The following CEP128 variants were observed in gnomAD, a reference collection of about 807,000 sequenced individuals.
CEP128 encodes centrosomal protein 128.
Under a neutral mutation model 156.7 loss-of-function variants are expected in CEP128, and 132 were observed. The observed-to-expected ratio is 0.84, with a 90% CI of 0.73 to 0.97. CEP128 has a LOEUF of 0.97. CEP128 is among the 50% of genes least tolerant of loss of function. The probability of loss-of-function intolerance (pLI) is 0.00; values close to 1 mark genes in which losing one functional copy is unlikely to be tolerated. For missense variants in CEP128, 1,252 were observed against 1,281.9 expected (o/e 0.98, Z 0.36); for synonymous variants, 469 against 448.9 (o/e 1.04, Z -0.57).
At chr14:80,925,834 C>T (rs1425297375) in intron 2 of CEP128, among the ~76,000 whole-genome samples, 5 of 152,114 alleles carry the variant, frequency 3.3e-5, no homozygotes, top group Non-Finnish European at 1.5e-5. Flanking sequence ...GGAGGAGAGA[C>T]TGCCTCCATG....
intron 19 of CEP128, among the ~76,000 whole-genome samples, chr14:80,637,877 G>A (rs922783685): frequency 1.3e-5 from 2 of 152,158 alleles, no homozygotes; most frequent in African/African-American, 2.4e-5. Flanking sequence ...GTATGTAGAC[G>A]TGGCCACAAG....
chr14:80,843,030 T>G (rs1886418473), intron 9 of CEP128, among the ~76,000 whole-genome samples: 1 of 150,462 alleles, frequency 6.6e-6, no homozygotes, highest in African/African-American at 2.4e-5. Context: ...TAAACTCTCA[T>G]AGTTATATAT....
intron 21 of CEP128, among the ~76,000 whole-genome samples, chr14:80,535,564 C>T (rs1035785390): frequency 7.9e-5 from 12 of 152,172 alleles, no homozygotes; most frequent in Non-Finnish European, 4.4e-5. Context: ...CTCAGGACCA[C>T]GTGTCTAAAC....
chr14:80,937,116 G>A (rs537455480), intron 2 of CEP128, among the ~76,000 whole-genome samples: 2 of 152,248 alleles, frequency 1.3e-5, no homozygotes, highest in East Asian at 1.9e-4. Context: ...CCAAGCGTTC[G>A]AGATGAGCCT....
chr14:80,951,671 A>T (rs1273179130), intron 2 of CEP128, among the ~76,000 whole-genome samples: 1 of 152,150 alleles, frequency 6.6e-6, no homozygotes, highest in Non-Finnish European at 1.5e-5. Flanking sequence ...GTGAATAATG[A>T]CATTAAATGT....
chr14:80,619,233 T>C (rs1258050071), intron 19 of CEP128, among the ~76,000 whole-genome samples: 2 of 152,000 alleles, frequency 1.3e-5, no homozygotes, highest in South Asian at 2.1e-4. Context: ...AAACCAATAA[T>C]TAAAAAACAC....
At chr14:80,517,283 T>A (rs1888532923) in intron 23 of CEP128, among the ~76,000 whole-genome samples, 1 of 152,158 alleles carries the variant, frequency 6.6e-6, no homozygotes, top group Non-Finnish European at 1.5e-5. Flanking sequence ...AATTTGCTCT[T>A]GGTCTTCTAG....
intron 2 of CEP128, among the ~76,000 whole-genome samples, chr14:80,918,634 G>A (rs185604491): frequency 6.6e-6 from 1 of 152,254 alleles, no homozygotes; most frequent in East Asian, 1.9e-4. Context: ...GTGTTCTGCT[G>A]TCCGATTATC....
chr14:80,533,380 G>T (rs1356475817), intron 21 of CEP128, among the ~76,000 whole-genome samples: 2 of 152,004 alleles, frequency 1.3e-5, no homozygotes, highest in African/African-American at 2.4e-5. Context: ...TCTGAACCAA[G>T]GTTAAGTAAG....
chr14:80,867,026 T>C (rs1566680874), intron 8 of CEP128, among the ~76,000 whole-genome samples: 1 of 152,220 alleles, frequency 6.6e-6, no homozygotes, highest in Non-Finnish European at 1.5e-5. Flanking sequence ...TCTCAGTATA[T>C]ATTTTTTTTC....
intron 19 of CEP128, among the ~76,000 whole-genome samples, chr14:80,672,847 A>G (rs954744784): frequency 3.9e-5 from 6 of 152,190 alleles, no homozygotes; most frequent in Non-Finnish European, 8.8e-5. Context: ...AAGTCAAAAG[A>G]TAATAGTTTT....
chr14:80,737,956 T>C (rs915415808), intron 19 of CEP128, among the ~76,000 whole-genome samples: 2 of 152,132 alleles, frequency 1.3e-5, no homozygotes, highest in Admixed American at 6.6e-5. Flanking sequence ...ATAAATGATA[T>C]TACATTTAGA....
In CEP128 at chr14:80,743,220, T is replaced by G. The variant is rs764427872; in HGVS notation, c.2661A>C (p.Arg887Ser). 10 of 1,613,540 alleles carry G rather than the reference T, an allele frequency of 6.2e-6. No individual in the cohort carries two copies. Reference protein sequence around the residue: ...LCEELKERENREKNLRHQLML... With the variant: ...LCEELKERENSEKNLRHQLML... ...TCAGCTGGTGTCGCAGATTTTTCTC[T>G]CTGTTTTCTCTCTCTTTCAGTTCCT... The change falls in exon 19 of 25, where the codon AGA becomes AGC. Residue 887 changes from arginine (R) to serine (S), a missense_variant. Transcript: ENST00000555265.
intron 9 of CEP128, among the ~76,000 whole-genome samples, chr14:80,848,784 T>C (rs1325093432): frequency 6.6e-6 from 1 of 151,654 alleles, no homozygotes; most frequent in African/African-American, 2.4e-5. Flanking sequence ...TAGCCAGACA[T>C]GGTGGGACAT....
At chr14:80,619,885 G>T (rs894270079) in intron 19 of CEP128, among the ~76,000 whole-genome samples, 2 of 152,078 alleles carry the variant, frequency 1.3e-5, no homozygotes, top group African/African-American at 4.8e-5. Flanking sequence ...AGCACTTTGG[G>T]AGGTCGAGGC....
chr14:80,858,643 C>G (rs1435768198), intron 9 of CEP128, among the ~76,000 whole-genome samples: 65 of 148,596 alleles, frequency 4.4e-4, no homozygotes, highest in Non-Finnish European at 6.9e-4. Context: ...TCGCAACCTA[C>G]TCATCTGACA....
At chr14:80,867,307 G>C (rs1376963680) in intron 8 of CEP128, among the ~76,000 whole-genome samples, 1 of 152,168 alleles carries the variant, frequency 6.6e-6, no homozygotes, top group African/African-American at 2.4e-5. Context: ...GGGATGAAGT[G>C]AGACTACTGA....
chr14:80,713,970 G>A (rs1339568781), intron 19 of CEP128, among the ~76,000 whole-genome samples: 1 of 152,098 alleles, frequency 6.6e-6, no homozygotes, highest in East Asian at 1.9e-4. Context: ...TCAGTATCTA[G>A]TGTTTCTCTC....
At chr14:80,953,471 G>A (rs1385008573) in intron 2 of CEP128, among the ~76,000 whole-genome samples, 1 of 152,206 alleles carries the variant, frequency 6.6e-6, no homozygotes, top group Non-Finnish European at 1.5e-5. Flanking sequence ...TGTAATCCCA[G>A]CTACTCTGGA....
Sources: gnomAD v4.1 joint callset for allele counts (sites outside exome capture counted in the v4.1 genomes callset) on GRCh38, gnomAD v4.1.1 for gene constraint, MANE v1.5 for transcripts, NCBI Gene and HGNC (gene_info 2026-07-23, HGNC 2026-07-21) for gene names.